Variants in CSMD1 observed in about 807,000 individuals in gnomAD.
CSMD1 encodes the protein CUB and sushi domain-containing protein 1.
A neutral mutation model predicts 417.5 loss-of-function variants in CSMD1; 213 were observed. The observed-to-expected ratio is 0.51, with a 90% CI of 0.46 to 0.57. The LOEUF (loss-of-function observed/expected upper bound fraction) is 0.57, where lower values mean the gene tolerates loss of function less well. Among genes scored for constraint, CSMD1 ranks in the 20% least tolerant of loss-of-function variants. The pLI is 0.00. For synonymous variants in CSMD1, 2,862 were observed against 1,736.8 expected, an observed-to-expected ratio of 1.65 and a Z score of -16.11; for missense variants, 6,923 against 4,529.7, an observed-to-expected ratio of 1.53 and a Z score of -15.17.
intron 3 of CSMD1, among the ~76,000 whole-genome samples, chr8:4,121,134 G>C (rs1011853212): frequency 1.9e-4 from 29 of 150,268 alleles, no homozygotes; most frequent in Non-Finnish European, 2.8e-4. Context: ...ATTTATTTTT[G>C]GGCAGAGTCT....
At chr8:4,327,746 A>T (rs191694423) in intron 3 of CSMD1, among the ~76,000 whole-genome samples, 2 of 152,372 alleles carry the variant, frequency 1.3e-5, no homozygotes, top group Admixed American at 6.5e-5. Flanking sequence ...GTCCGAAAAC[A>T]TTGTTACATA....
intron 1 of CSMD1, among the ~76,000 whole-genome samples, chr8:4,896,689 G>A (rs1804504492): frequency 6.6e-6 from 1 of 152,076 alleles, no homozygotes; most frequent in African/African-American, 2.4e-5. Flanking sequence ...TTGCATACGT[G>A]CTGGAAGATC....
At chr8:3,989,522 G>A (rs1287563876) in intron 5 of CSMD1, among the ~76,000 whole-genome samples, 1 of 152,120 alleles carries the variant, frequency 6.6e-6, no homozygotes, top group African/African-American at 2.4e-5. Context: ...CCACAGGGTA[G>A]GATAAAGCAC....
Position 4,031,952 on chromosome 8 carries a change from C to A in CSMD1, c.563G>T (p.Ser188Ile). ...EGHAILTCIV[S>I]PGNGASWDFP... ...GTCCCACGATGCACCATTTCCTGGG[C>A]TGACGATGCAGGTCAGGATGGCGTG... The change falls in exon 4 of 70, where the codon AGC (serine) becomes ATC (isoleucine). Residue 188 changes from serine to isoleucine, a missense_variant. Physicochemically the swap from Ser to Ile is moderately radical, Grantham distance 142 (BLOSUM62 -2). Coordinates refer to ENST00000635120, the MANE Select transcript of CSMD1 (RefSeq NM_033225.6). 6.2e-7 allele frequency: 1 copy of A among 1,613,960 alleles called. No individual in the cohort carries two copies. The highest frequency in any genetic ancestry group is 1.1e-5 in the South Asian group (1 of 91,078).
At chr8:3,845,092 T>C (rs777585574) in intron 5 of CSMD1, among the ~76,000 whole-genome samples, 5 of 152,234 alleles carry the variant, frequency 3.3e-5, no homozygotes, top group Non-Finnish European at 4.4e-5. Flanking sequence ...TGCATACATA[T>C]ATTTAGAAGC....
chr8:4,758,989 T>C (rs1277800500), intron 1 of CSMD1, among the ~76,000 whole-genome samples: 1 of 144,876 alleles, frequency 6.9e-6, no homozygotes. Context: ...ATTGCATGAC[T>C]TTGTAAGAAT....
chr8:4,065,108 A>AT (rs1188320912), intron 3 of CSMD1, among the ~76,000 whole-genome samples: 1 of 152,180 alleles, frequency 6.6e-6, no homozygotes, highest in Non-Finnish European at 1.5e-5. Context: ...TAAAAATGTC[A>AT]TTTTCTAGTT....
intron 1 of CSMD1, among the ~76,000 whole-genome samples, chr8:4,930,981 A>C (rs1381665880): frequency 6.6e-6 from 1 of 152,198 alleles, no homozygotes; most frequent in Non-Finnish European, 1.5e-5. Context: ...TTAAAAATAA[A>C]AACAGTAAGA....
At chr8:3,984,720 T>C (rs1814178978) in intron 5 of CSMD1, among the ~76,000 whole-genome samples, 2 of 55,050 alleles carry the variant, frequency 3.6e-5, no homozygotes, top group South Asian at 7.3e-4. Context: ...TATATATATA[T>C]ATATATATAT....
At chr8:4,233,341 A>C (rs1473698320) in intron 3 of CSMD1, among the ~76,000 whole-genome samples, 1 of 152,218 alleles carries the variant, frequency 6.6e-6, no homozygotes, top group Non-Finnish European at 1.5e-5. Flanking sequence ...TTGACATATT[A>C]AAAGTACCTA....
At chr8:4,393,311 A>G (rs749556178) in intron 3 of CSMD1, among the ~76,000 whole-genome samples, 53 of 152,288 alleles carry the variant, frequency 3.5e-4, no homozygotes, top group East Asian at 5.8e-4. Context: ...TTTAGAAATA[A>G]AAGGAATATC....
intron 18 of CSMD1, among the ~76,000 whole-genome samples, chr8:3,383,814 C>T (rs1240185221): frequency 6.6e-6 from 1 of 151,974 alleles, no homozygotes; most frequent in Non-Finnish European, 1.5e-5. Flanking sequence ...AAAATGTGCT[C>T]AGAACAACTG....
chr8:2,980,640 C>T (rs571120978), intron 54 of CSMD1, among the ~76,000 whole-genome samples: 48 of 152,286 alleles, frequency 3.2e-4, no homozygotes, highest in African/African-American at 1.0e-3. Context: ...CTGAGTTCCA[C>T]CACGGCTGGT....
At chr8:4,361,224 T>C (rs923588597) in intron 3 of CSMD1, among the ~76,000 whole-genome samples, 27 of 152,250 alleles carry the variant, frequency 1.8e-4, no homozygotes, top group African/African-American at 6.0e-4. Flanking sequence ...GTGGAATACC[T>C]AAGTTACTCA....
intron 3 of CSMD1, among the ~76,000 whole-genome samples, chr8:4,286,457 A>G (rs915527741): frequency 1.3e-5 from 2 of 152,138 alleles, no homozygotes; most frequent in African/African-American, 4.8e-5. Flanking sequence ...TGCAATATGA[A>G]TTACCCATTG....
intron 3 of CSMD1, among the ~76,000 whole-genome samples, chr8:4,218,104 C>T (rs1184366661): frequency 6.6e-6 from 1 of 152,188 alleles, no homozygotes; most frequent in African/African-American, 2.4e-5. Context: ...TGCAATCGGA[C>T]ATTGGCGATG....
At chr8:4,483,502 T>C (rs1181181888) in intron 2 of CSMD1, among the ~76,000 whole-genome samples, 3 of 152,336 alleles carry the variant, frequency 2.0e-5, no homozygotes, top group Admixed American at 6.5e-5. Context: ...ATGTATGATG[T>C]ATGAAAGTCA....
At chr8:3,391,148 C>T (rs1244811780) in intron 17 of CSMD1, among the ~76,000 whole-genome samples, 1 of 146,232 alleles carries the variant, frequency 6.8e-6, no homozygotes, top group South Asian at 2.2e-4. Context: ...CTTTTCTGAT[C>T]ATATAAAAAG....
chr8:3,494,935 G>C (rs1796305187), intron 10 of CSMD1, among the ~76,000 whole-genome samples: 1 of 152,154 alleles, frequency 6.6e-6, no homozygotes, highest in Non-Finnish European at 1.5e-5. Flanking sequence ...TAATACCCAA[G>C]TCCATGTCCA....
Sources: allele counts gnomAD v4.1 joint callset (sites outside exome capture counted in the v4.1 genomes callset), GRCh38; gene constraint gnomAD v4.1.1; transcripts MANE v1.5; gene names NCBI Gene and HGNC (gene_info 2026-07-23, HGNC 2026-07-21).